Variants in NPNT observed in about 807,000 individuals in gnomAD.
The protein encoded by NPNT is nephronectin.
Under a neutral mutation model 68.6 loss-of-function variants are expected in NPNT, and 45 were observed. That is an observed-to-expected ratio of 0.66 (90% CI 0.52 to 0.84). The LOEUF (loss-of-function observed/expected upper bound fraction) is 0.84. Ranked by LOEUF, NPNT falls within the 40% of genes least tolerant of loss-of-function variation. The pLI is 0.00. For missense variants in NPNT, 672 were observed against 714.8 expected (o/e 0.94, Z 0.68); for synonymous variants, 233 against 253.3 (o/e 0.92, Z 0.76).
At chr4:105,925,214 G>C (rs563539113) in intron 2 of NPNT, among the ~76,000 whole-genome samples, 15 of 152,056 alleles carry the variant, frequency 9.9e-5, no homozygotes, top group Non-Finnish European at 2.2e-4. Context: ...GAACACAATT[G>C]TTTCCCTTTG....
intron 2 of NPNT, among the ~76,000 whole-genome samples, chr4:105,919,647 T>C (rs976270452): frequency 9.2e-5 from 14 of 152,134 alleles, no homozygotes; most frequent in African/African-American, 3.4e-4. Flanking sequence ...AATTGCTTGG[T>C]AGAATCTACC....
chr4:105,947,106 C>T (rs962088526), intron 8 of NPNT, among the ~76,000 whole-genome samples: 48 of 152,094 alleles, frequency 3.2e-4, no homozygotes, highest in African/African-American at 1.1e-3. Flanking sequence ...CAATATTATC[C>T]TACTTGCACA....
intron 8 of NPNT, among the ~76,000 whole-genome samples, chr4:105,957,765 A>C (rs1413784162): frequency 6.6e-6 from 1 of 152,196 alleles, no homozygotes; most frequent in African/African-American, 2.4e-5. Context: ...CACTCCACAG[A>C]GGCCGTGATA....
intron 3 of NPNT, among the ~76,000 whole-genome samples, chr4:105,934,487 G>C (rs774223587): frequency 2.0e-5 from 3 of 152,314 alleles, no homozygotes; most frequent in Admixed American, 6.5e-5. Context: ...AGTATCTGAA[G>C]TGGCTTTCAT....
intron 10 of NPNT, among the ~76,000 whole-genome samples, chr4:105,963,123 G>A (rs1731862586): frequency 6.6e-6 from 1 of 152,110 alleles, no homozygotes; most frequent in African/African-American, 2.4e-5. Flanking sequence ...TACTCAGTAG[G>A]CTGAGGCAGG....
At chr4:105,918,971 C>A (rs1236609065) in intron 2 of NPNT, among the ~76,000 whole-genome samples, 1 of 152,094 alleles carries the variant, frequency 6.6e-6, no homozygotes, top group African/African-American at 2.4e-5. Context: ...GCTAGGTAAT[C>A]TGTATAGGTT....
intron 2 of NPNT, chr4:105,912,596 C>T: frequency 1.0e-6 from 1 of 988,334 alleles, no homozygotes; most frequent in Non-Finnish European, 1.2e-6. Flanking sequence ...ACCAGCCTAT[C>T]ATTAACCTGA....
Position 105,951,524 on chromosome 4 carries a change from A to C in NPNT, c.1160-6947A>C, listed in dbSNP as rs536293764. On this transcript the variant is annotated intron_variant, in intron 8 of 11. Coordinates refer to ENST00000379987, the MANE Select transcript of NPNT (RefSeq NM_001033047.3). ...TCTGATTCTGTGTAGTGATAAGTAA[A>C]AAGATTGTTTCTGCTGAGGGGTGAA... is the stretch of plus-strand genomic sequence containing the variant. 1.2e-4 allele frequency among the ~76,000 whole-genome samples: 19 copies of C among 152,288 alleles called. No individual in the cohort carries two copies. The South Asian group carries it at 3.7e-3, about 30-fold the overall frequency.
chr4:105,927,351 G>A lies in NPNT; in HGVS notation c.188G>A (p.Arg63Gln), dbSNP rs533479092. 2.6e-4 allele frequency: 416 copies of A among 1,611,422 alleles called. 2 individuals carry two copies. The South Asian group carries it at 3.7e-3, about 14-fold the overall frequency. Residue 63 changes from arginine (R) to glutamine (Q), a missense_variant, in exon 3 of 12, where the codon CGA becomes CAA. By Grantham distance (43) the Arg-to-Gln change is conservative. Transcript: ENST00000379987. ...CTTTTCACAGCTGTGTGCCAACCAC[G>A]ATGCAAACATGGTGAATGTATCGGG... ...WGQCQPVCQP[R>Q]CKHGECIGPN...
chr4:105,919,258 CT>C (rs1040021035), intron 2 of NPNT, among the ~76,000 whole-genome samples: 2 of 151,826 alleles, frequency 1.3e-5, no homozygotes, highest in African/African-American at 4.8e-5. Flanking sequence ...TTCTCTCTTC[CT>C]TCCCGCCTCA....
At chr4:105,901,624 G>A (rs1029920476) in intron 2 of NPNT, among the ~76,000 whole-genome samples, 1 of 152,188 alleles carries the variant, frequency 6.6e-6, no homozygotes, top group Non-Finnish European at 1.5e-5. Context: ...TGTGAATTAG[G>A]ATGGTTTTGT....
At chr4:105,943,188 A>G (rs1231225314) in intron 8 of NPNT, among the ~76,000 whole-genome samples, 2 of 152,228 alleles carry the variant, frequency 1.3e-5, no homozygotes, top group Admixed American at 6.5e-5. Flanking sequence ...CAGTGGTAGT[A>G]TGTTAGTGAA....
At chr4:105,960,002 A>G (rs554320070) in intron 10 of NPNT, among the ~76,000 whole-genome samples, 90 of 151,946 alleles carry the variant, frequency 5.9e-4, no homozygotes, top group Admixed American at 2.4e-3. Flanking sequence ...AGTAGAGACT[A>G]GGTTTCACCC....
At chr4:105,958,733 C>A (rs917214436) in intron 9 of NPNT, among the ~76,000 whole-genome samples, 176 bp downstream of exon 9, 3 of 152,042 alleles carry the variant, frequency 2.0e-5, no homozygotes, top group Non-Finnish European at 4.4e-5. Flanking sequence ...GAATCATTTT[C>A]TTTTTTAAAA....
At chr4:105,899,735 T>G (rs1391029636) in intron 2 of NPNT, among the ~76,000 whole-genome samples, 1 of 152,242 alleles carries the variant, frequency 6.6e-6, no homozygotes, top group Admixed American at 6.5e-5. Flanking sequence ...AATGGTTCTT[T>G]ACTATTAACA....
intron 10 of NPNT, among the ~76,000 whole-genome samples, chr4:105,961,908 G>A (rs979202874): frequency 2.0e-5 from 3 of 152,350 alleles, no homozygotes; most frequent in South Asian, 2.1e-4. Flanking sequence ...AAGTGACTAT[G>A]TGTGCTGATA....
chr4:105,920,415 A>G (rs1728173678), intron 2 of NPNT, among the ~76,000 whole-genome samples: 1 of 151,500 alleles, frequency 6.6e-6, no homozygotes, highest in African/African-American at 2.4e-5. Context: ...AAAAAAAAAA[A>G]AAAACTTCAC....
At position 105,898,011 on chromosome 4, in the gene NPNT, A is replaced by G; in HGVS notation, c.172+10A>G. 6.4e-7 allele frequency: 1 copy of G among 1,570,674 alleles called. No homozygotes were observed. Among genetic ancestry groups the G allele is most frequent in the Non-Finnish European group, 8.6e-7 (1 of 1,156,846 alleles). ...TGGGGACAGTGTCAGCGTGAGTATC[A>G]AGCCTGGGGACTTCAGTTCCCTGGG... On this transcript the variant is annotated intron_variant, in intron 2 of 11. Coordinates refer to ENST00000379987, the MANE Select transcript of NPNT (RefSeq NM_001033047.3).
chr4:105,944,224 T>C (rs1355792532), intron 8 of NPNT, among the ~76,000 whole-genome samples: 1 of 152,164 alleles, frequency 6.6e-6, no homozygotes, highest in Non-Finnish European at 1.5e-5. Context: ...TTTTTGTAAT[T>C]TTCTCCTCAC....
Sources: gnomAD v4.1 joint callset for allele counts (sites outside exome capture counted in the v4.1 genomes callset) on GRCh38, gnomAD v4.1.1 for gene constraint, MANE v1.5 for transcripts, NCBI Gene and HGNC (gene_info 2026-07-23, HGNC 2026-07-21) for gene names.